Variants in CMSS1 observed in about 807,000 individuals in gnomAD.
CMSS1 encodes cms1 ribosomal small subunit homolog.
CMSS1 carries 33 observed loss-of-function variants against 43.5 expected under a neutral mutation model. The ratio of observed to expected loss-of-function variants is 0.76; its 90% confidence interval spans 0.57 to 1.01. CMSS1 has a LOEUF of 1.01. Ranked by LOEUF, CMSS1 falls within the 50% of genes least tolerant of loss-of-function variation. CMSS1 has a pLI of 0.00. For missense variants in CMSS1, 313 were observed against 326.4 expected (o/e 0.96, Z 0.32); for synonymous variants, 115 against 117.2 (o/e 0.98, Z 0.12).
At chr3:99,987,000 A>C (rs995571730) in intron 1 of CMSS1, among the ~76,000 whole-genome samples, 1 of 144,196 alleles carries the variant, frequency 6.9e-6, no homozygotes, top group Non-Finnish European at 1.5e-5. Flanking sequence ...AGGCTGAGGT[A>C]GGAGGACTGC....
At chr3:99,917,875 G>A (rs1455385873) in intron 1 of CMSS1, among the ~76,000 whole-genome samples, 1 of 152,158 alleles carries the variant, frequency 6.6e-6, no homozygotes, top group East Asian at 1.9e-4. Flanking sequence ...GAGGTAAAAG[G>A]TACTTGTTCA....
chr3:99,974,998 C>T (rs1271907710), intron 1 of CMSS1, among the ~76,000 whole-genome samples: 1 of 152,136 alleles, frequency 6.6e-6, no homozygotes, highest in Non-Finnish European at 1.5e-5. Flanking sequence ...CATTAAGACA[C>T]ATTTATGACA....
In CMSS1 at chr3:99,995,655, G is replaced by A. The variant is rs377182196; in HGVS notation, c.65-151318G>A. 5.3e-5 allele frequency among the ~76,000 whole-genome samples: 8 copies of A among 152,318 alleles called. No homozygotes were observed. The East Asian group carries it at 9.6e-4, about 18-fold the overall frequency. ...CAAACTTCTGCCTGGGCATCCAGGC[G>A]TTTCCATACATCTTCTGACATCTAG... On this transcript the variant is annotated intron_variant, in intron 1 of 9. Transcript: ENST00000421999.
chr3:99,956,698 C>T (rs756466508), intron 1 of CMSS1, among the ~76,000 whole-genome samples: 6 of 152,188 alleles, frequency 3.9e-5, no homozygotes, highest in Non-Finnish European at 7.4e-5. Flanking sequence ...TCTTGCCCAT[C>T]AAATACCCCC....
rs1457038210 is a variant in CMSS1, at chr3:99,924,156, T to C, written c.64+106113T>C. Reference sequence around the variant, plus strand: ...AGAGACTGTGTCATATTTATCTTTGTATCCCTGAGACCTGGTACAGTGGCC... The same window carrying C: ...AGAGACTGTGTCATATTTATCTTTGCATCCCTGAGACCTGGTACAGTGGCC... On this transcript the variant is annotated intron_variant, in intron 1 of 9. Coordinates refer to ENST00000421999, the MANE Select transcript of CMSS1 (RefSeq NM_032359.4). 2.5e-6 allele frequency: 3 copies of C among 1,215,378 alleles called. No individual in the cohort carries two copies. In the East Asian group the frequency reaches 7.0e-5, roughly 28 times the overall value. 75.3% of individuals were successfully genotyped at this position (1,215,378 alleles called of 1,614,324 possible). A position where few individuals can be genotyped will look rare whatever the true frequency, so the allele number is the denominator to read the frequency against.
intron 1 of CMSS1, chr3:99,850,934 T>C (rs1379826072): frequency 6.2e-7 from 1 of 1,614,094 alleles, no homozygotes; most frequent in African/African-American, 1.3e-5. Context: ...GCCGTCAGCC[T>C]TTGCTGTTCA....
chr3:100,091,979 T>C (rs1384975218), intron 1 of CMSS1, among the ~76,000 whole-genome samples: 2 of 152,218 alleles, frequency 1.3e-5, no homozygotes, highest in Non-Finnish European at 2.9e-5. Context: ...CAGCTATCTG[T>C]CCTAGGGCAA....
chr3:99,948,027 G>A (rs967523288), intron 1 of CMSS1, among the ~76,000 whole-genome samples: 2 of 150,988 alleles, frequency 1.3e-5, no homozygotes, highest in Non-Finnish European at 1.5e-5. Flanking sequence ...CAATGGTGGT[G>A]GTAAGATAAT....
At chr3:100,071,508 A>C (rs776294275) in intron 1 of CMSS1, among the ~76,000 whole-genome samples, 6 of 152,110 alleles carry the variant, frequency 3.9e-5, no homozygotes, top group Non-Finnish European at 5.9e-5. Flanking sequence ...TAAAATTTAC[A>C]TGGGAGAAGG....
At chr3:99,960,514 A>C (rs2107701966) in intron 1 of CMSS1, among the ~76,000 whole-genome samples, 1 of 152,334 alleles carries the variant, frequency 6.6e-6, no homozygotes, top group Middle Eastern at 3.4e-3. Context: ...ATAAAAGATT[A>C]CAGCGTGAAG....
At chr3:100,092,363 C>T (rs1220778065) in intron 1 of CMSS1, among the ~76,000 whole-genome samples, 1 of 151,900 alleles carries the variant, frequency 6.6e-6, no homozygotes, top group East Asian at 1.9e-4. Flanking sequence ...CTGTTTACCC[C>T]AAAGACAATG....
intron 1 of CMSS1, among the ~76,000 whole-genome samples, chr3:100,074,783 T>TA (rs2065823822): frequency 7.2e-6 from 1 of 138,640 alleles, no homozygotes; most frequent in African/African-American, 2.6e-5. Flanking sequence ...AACCTCTGCC[T>TA]ACTGGGTTCA....
chr3:99,859,218 GACAAAT>G (rs1944119539), intron 1 of CMSS1, among the ~76,000 whole-genome samples: 1 of 152,224 alleles, frequency 6.6e-6, no homozygotes, highest in Non-Finnish European at 1.5e-5. Flanking sequence ...ACCTTGATGA[GACAAAT>G]ACAGTGACAG....
intron 6 of CMSS1, 92 bp downstream of exon 6, chr3:100,167,932 A>G (rs1385842700): frequency 4.8e-6 from 4 of 830,348 alleles, no homozygotes; most frequent in Non-Finnish European, 7.6e-6. Flanking sequence ...AGATGTAGCA[A>G]TAAACAAAAC....
chr3:99,929,858 C>T (rs747301697), intron 1 of CMSS1: 2 of 1,610,550 alleles, frequency 1.2e-6, no homozygotes, highest in East Asian at 4.5e-5. Context: ...GTACATACCT[C>T]ATTCATTGGT....
At chr3:99,912,441 A>G (rs1159989646) in intron 1 of CMSS1, among the ~76,000 whole-genome samples, 1 of 152,098 alleles carries the variant, frequency 6.6e-6, no homozygotes, top group Non-Finnish European at 1.5e-5. Flanking sequence ...TAATGGCGTG[A>G]TCTCGGCTTA....
intron 1 of CMSS1, among the ~76,000 whole-genome samples, chr3:100,089,009 A>AT (rs1185617674): frequency 1.3e-5 from 2 of 152,232 alleles, no homozygotes; most frequent in Non-Finnish European, 2.9e-5. Context: ...GAGAGAAAGT[A>AT]TCCTTTGATG....
intron 1 of CMSS1, among the ~76,000 whole-genome samples, chr3:100,120,586 C>T (rs1168905119): frequency 6.6e-6 from 1 of 152,138 alleles, no homozygotes; most frequent in Non-Finnish European, 1.5e-5. Flanking sequence ...TGGCACCTAG[C>T]ACTGTGCTAG....
intron 1 of CMSS1, among the ~76,000 whole-genome samples, chr3:99,983,404 A>ATATATATATGTGTG (rs1709196717): frequency 9.0e-6 from 1 of 110,554 alleles, no homozygotes; most frequent in African/African-American, 3.8e-5. Context: ...ATATATATAT[A>ATATATATATGTGTG]TATATATATA....
Sources: allele counts gnomAD v4.1 joint callset (sites outside exome capture counted in the v4.1 genomes callset), GRCh38; gene constraint gnomAD v4.1.1; transcripts MANE v1.5; gene names NCBI Gene and HGNC (gene_info 2026-07-23, HGNC 2026-07-21).